ASAP1: variants seen among roughly 807,000 people sequenced by gnomAD.
ASAP1 encodes the protein ArfGAP with SH3 domain, ankyrin repeat and PH domain 1.
In ASAP1, 43 loss-of-function variants were observed where a neutral mutation model predicts 145.2. That is an observed-to-expected ratio of 0.30 (90% CI 0.23 to 0.38). The LOEUF is 0.38. Among genes scored for constraint, ASAP1 ranks in the 10% least tolerant of loss-of-function variants. The pLI is 1.00. For synonymous variants in ASAP1, 546 were observed against 515.5 expected, an observed-to-expected ratio of 1.06 and a Z score of -0.80; for missense variants, 1,018 against 1,355.3, an observed-to-expected ratio of 0.75 and a Z score of 3.91.
intron 25 of ASAP1, among the ~76,000 whole-genome samples, chr8:130,088,856 T>C (rs960714769): frequency 3.3e-5 from 5 of 152,196 alleles, no homozygotes; most frequent in African/African-American, 1.2e-4. Flanking sequence ...CATAACTCCA[T>C]ATGCAATACA....
At chr8:130,137,142 T>C (rs2097596793) in intron 13 of ASAP1, 104 bp from the exon 14 acceptor site, 4 of 906,156 alleles carry the variant, frequency 4.4e-6, no homozygotes, top group Non-Finnish European at 7.3e-6. Context: ...GCCTGCTCAG[T>C]GGTACAAAAA....
chr8:130,382,483 G>A (rs1586945624), intron 2 of ASAP1, among the ~76,000 whole-genome samples: 1 of 152,306 alleles, frequency 6.6e-6, no homozygotes, highest in Middle Eastern at 3.4e-3. Flanking sequence ...GCAGAACAGG[G>A]AGGAAGGACC....
Position 130,357,943 on chromosome 8 carries a change from G to A in ASAP1, c.186+74C>T, listed in dbSNP as rs1046559288. The A allele has an allele frequency of 2.6e-6, 4 of 1,515,498 alleles. No individual in the cohort carries two copies. The African/African-American group carries it at 4.1e-5, about 16-fold the overall frequency. 93.9% of individuals were successfully genotyped at this position (1,515,498 alleles called of 1,614,324 possible). On this transcript the variant is annotated intron_variant, in intron 3 of 29. Coordinates refer to ENST00000518721, the MANE Select transcript of ASAP1 (RefSeq NM_018482.4). ...CGGCCCCCGCGTCCCCTTCCTCCCA[G>A]CTCGGAGAGGAGATCCTCCAGCTGC...
chr8:130,374,603 T>G (rs958838543), intron 2 of ASAP1, among the ~76,000 whole-genome samples: 1 of 152,260 alleles, frequency 6.6e-6, no homozygotes, highest in East Asian at 1.9e-4. Flanking sequence ...CTTACATACT[T>G]GTCGACTTTA....
chr8:130,189,453 A>C (rs1415939652), intron 5 of ASAP1, among the ~76,000 whole-genome samples: 1 of 152,054 alleles, frequency 6.6e-6, no homozygotes, highest in Non-Finnish European at 1.5e-5. Flanking sequence ...CACCTAACAT[A>C]ATGTTGGATC....
intron 1 of ASAP1, among the ~76,000 whole-genome samples, chr8:130,439,987 C>A (rs1285476080): frequency 6.6e-6 from 1 of 152,102 alleles, no homozygotes; most frequent in Non-Finnish European, 1.5e-5. Flanking sequence ...TCTCCCACAA[C>A]AACGCCACCA....
At chr8:130,427,520 A>G (rs1460594582) in intron 1 of ASAP1, among the ~76,000 whole-genome samples, 1 of 152,164 alleles carries the variant, frequency 6.6e-6, no homozygotes, top group African/African-American at 2.4e-5. Flanking sequence ...TTGGCCTATA[A>G]AATCCCAATT....
At chr8:130,254,557 T>A (rs1023188895) in intron 3 of ASAP1, among the ~76,000 whole-genome samples, 1 of 152,002 alleles carries the variant, frequency 6.6e-6, no homozygotes, top group Non-Finnish European at 1.5e-5. Flanking sequence ...TGCAAACAAA[T>A]ACATTAAAAG....
intron 9 of ASAP1, among the ~76,000 whole-genome samples, chr8:130,177,707 TATC>T (rs1328296833): frequency 6.6e-6 from 1 of 152,238 alleles, no homozygotes; most frequent in Non-Finnish European, 1.5e-5. Flanking sequence ...GAAAAAAAGT[TATC>T]ATCAAATTTA....
At chr8:130,330,132 C>T (rs113520618) in intron 3 of ASAP1, among the ~76,000 whole-genome samples, 37 of 152,192 alleles carry the variant, frequency 2.4e-4, no homozygotes, top group Non-Finnish European at 4.6e-4. Context: ...AGGCATTTAA[C>T]AGAGAAAGAC....
chr8:130,272,601 T>C (rs1392285550), intron 3 of ASAP1, among the ~76,000 whole-genome samples: 1 of 152,222 alleles, frequency 6.6e-6, no homozygotes, highest in Non-Finnish European at 1.5e-5. Flanking sequence ...AGTTAACCTA[T>C]GTGTCCATCA....
intron 3 of ASAP1, among the ~76,000 whole-genome samples, chr8:130,260,154 G>C (rs572162859): frequency 6.6e-6 from 1 of 152,206 alleles, no homozygotes; most frequent in East Asian, 1.9e-4. Flanking sequence ...TTATTTCTGT[G>C]ACAGTATAAG....
chr8:130,110,570 T>C (rs79381620), intron 24 of ASAP1, among the ~76,000 whole-genome samples: 1 of 152,176 alleles, frequency 6.6e-6, no homozygotes, highest in Non-Finnish European at 1.5e-5. Flanking sequence ...AAAACATACA[T>C]TTTAGTACAA....
chr8:130,115,818 C>T, intron 22 of ASAP1, 83 bp from the exon 23 acceptor site: 1 of 1,003,142 alleles, frequency 1.0e-6, no homozygotes, highest in South Asian at 1.4e-5. Flanking sequence ...CAAATCCCAC[C>T]TTATTCCTAG....
chr8:130,347,501 T>C (rs1440777532), intron 3 of ASAP1, among the ~76,000 whole-genome samples: 1 of 152,160 alleles, frequency 6.6e-6, no homozygotes, highest in Non-Finnish European at 1.5e-5. Flanking sequence ...CAATGAAAAA[T>C]GAAGATGAGG....
intron 9 of ASAP1, among the ~76,000 whole-genome samples, chr8:130,173,868 T>C (rs1412284820): frequency 3.3e-5 from 5 of 150,372 alleles, no homozygotes; most frequent in Non-Finnish European, 5.9e-5. Flanking sequence ...AGCTCAGGAG[T>C]TCGAGACCAG....
chr8:130,215,062 G>A (rs1209618146), intron 4 of ASAP1, among the ~76,000 whole-genome samples: 1 of 151,796 alleles, frequency 6.6e-6, no homozygotes, highest in African/African-American at 2.4e-5. Flanking sequence ...CACCATGCCC[G>A]GCTAATTTTT....
intron 12 of ASAP1, among the ~76,000 whole-genome samples, chr8:130,159,081 T>A (rs543237576): frequency 6.6e-6 from 1 of 152,148 alleles, no homozygotes; most frequent in East Asian, 1.9e-4. Context: ...GAAGGTGAAC[T>A]GCAGAAAAAG....
At chr8:130,072,827 G>GCGCGCGCGCGCGCA (rs1455885983) in intron 27 of ASAP1, among the ~76,000 whole-genome samples, 1 of 98,404 alleles carries the variant, frequency 1.0e-5, no homozygotes. Context: ...GTGTGTGTGC[G>GCGCGCGCGCGCGCA]CGCGGGGGGG....
Sources: allele counts gnomAD v4.1 joint callset (sites outside exome capture counted in the v4.1 genomes callset), GRCh38; gene constraint gnomAD v4.1.1; transcripts MANE v1.5; gene names NCBI Gene and HGNC (gene_info 2026-07-23, HGNC 2026-07-21).